The following NALCN variants were observed in gnomAD, a reference collection of about 807,000 sequenced individuals.
NALCN encodes sodium leak channel NALCN.
In NALCN, 111 loss-of-function variants were observed where a neutral mutation model predicts 225.3. The observed-to-expected ratio is 0.49, with a 90% CI of 0.42 to 0.58. The LOEUF is 0.58. Ranked by LOEUF, NALCN falls within the 20% of genes least tolerant of loss-of-function variation. The pLI is 0.00. For synonymous variants in NALCN, 764 were observed against 769.0 expected, an observed-to-expected ratio of 0.99 and a Z score of 0.11; for missense variants, 1,378 against 2,202.4, an observed-to-expected ratio of 0.63 and a Z score of 7.49.
chr13:101,192,170 G>A (rs569530813), intron 13 of NALCN, 116 bp from the exon 14 acceptor site: 3 of 1,163,360 alleles, frequency 2.6e-6, no homozygotes, highest in East Asian at 2.9e-5. Flanking sequence ...TATCTGATCA[G>A]GGCAAGAACA....
chr13:101,202,959 T>C (rs2040181933), intron 13 of NALCN, among the ~76,000 whole-genome samples: 1 of 152,204 alleles, frequency 6.6e-6, no homozygotes, highest in Non-Finnish European at 1.5e-5. Context: ...TTTCACAGCG[T>C]CTGAGTCTAA....
intron 14 of NALCN, chr13:101,180,802 A>G (rs1319630543): frequency 3.0e-6 from 1 of 333,208 alleles, no homozygotes; most frequent in East Asian, 7.5e-5. Flanking sequence ...CGATGCTCCC[A>G]AGTGAGGTGT....
At chr13:101,409,830 G>A (rs1185877120) in intron 1 of NALCN, among the ~76,000 whole-genome samples, 1 of 152,220 alleles carries the variant, frequency 6.6e-6, no homozygotes, top group Non-Finnish European at 1.5e-5. Flanking sequence ...CTTAACATAT[G>A]AATTATCAAG....
chr13:101,174,370 T>A (rs1031986311), intron 15 of NALCN, among the ~76,000 whole-genome samples: 1 of 152,118 alleles, frequency 6.6e-6, no homozygotes, highest in Non-Finnish European at 1.5e-5. Flanking sequence ...TTCACTAATA[T>A]CTAGCAAGTG....
intron 13 of NALCN, among the ~76,000 whole-genome samples, chr13:101,198,037 G>C (rs1394008191): frequency 6.6e-6 from 1 of 152,164 alleles, no homozygotes; most frequent in Non-Finnish European, 1.5e-5. Flanking sequence ...TTTCTAATTA[G>C]AGTGTATCAT....
chr13:101,246,017 CCTTGAGCTGCTG>C (rs1400959856), intron 11 of NALCN, among the ~76,000 whole-genome samples: 2 of 152,046 alleles, frequency 1.3e-5, no homozygotes, highest in African/African-American at 4.8e-5. Flanking sequence ...TATCTGGGGC[CCTTGAGCTGCTG>C]CTTGGGCTCA....
rs746170403 is a variant in NALCN, at chr13:101,108,166, T to C, written c.2365-377A>G. On this transcript the variant is annotated intron_variant, in intron 20 of 43. Coordinates refer to ENST00000251127, the MANE Select transcript of NALCN (RefSeq NM_052867.4). ...TTAAATATGTAATTTAAAGTAAATG[T>C]ATATACTTACATTAAATATATAAAT... Among the ~76,000 whole-genome samples, 46 of 150,400 alleles carry C rather than the reference T, an allele frequency of 3.1e-4. 1 individual carries two copies. Among genetic ancestry groups the C allele is most frequent in the Admixed American group, 2.2e-3 (33 of 15,034 alleles).
Position 101,310,290 on chromosome 13 carries a change from C to T in NALCN, c.800-17924G>A, listed in dbSNP as rs568106172. Among the ~76,000 whole-genome samples, 9 of 152,320 alleles carry T rather than the reference C, an allele frequency of 5.9e-5. No individual in the cohort carries two copies. The South Asian group carries it at 1.4e-3, about 25-fold the overall frequency. ...CATTACGTTGCCCTGGAAGGCTCTA[C>T]GTGATCCATTCCTTGTTACCTTTCC... is the stretch of plus-strand genomic sequence containing the variant. On this transcript the variant is annotated intron_variant, in intron 7 of 43. Transcript: ENST00000251127.
At chr13:101,129,386 A>G (rs976993347) in intron 17 of NALCN, among the ~76,000 whole-genome samples, 7 of 152,266 alleles carry the variant, frequency 4.6e-5, no homozygotes, top group Middle Eastern at 3.4e-3. Flanking sequence ...ACCATTTCTT[A>G]CTGTTAGTCA....
intron 1 of NALCN, among the ~76,000 whole-genome samples, chr13:101,408,976 C>T (rs935725612): frequency 6.6e-6 from 1 of 152,060 alleles, no homozygotes; most frequent in African/African-American, 2.4e-5. Context: ...TCTTAAATCC[C>T]AAAGTAAAAC....
chr13:101,294,442 T>C (rs376229787), intron 7 of NALCN, among the ~76,000 whole-genome samples: 5 of 151,980 alleles, frequency 3.3e-5, no homozygotes, highest in East Asian at 1.9e-4. Flanking sequence ...AGGTACCCCA[T>C]AAATATGTAC....
intron 1 of NALCN, among the ~76,000 whole-genome samples, chr13:101,413,055 C>T (rs1041531716): frequency 6.6e-6 from 1 of 152,084 alleles, no homozygotes; most frequent in African/African-American, 2.4e-5. Context: ...ATTATGTTAC[C>T]TTCTTTTATT....
chr13:101,319,764 TTAGA>T (rs372673749), intron 7 of NALCN, among the ~76,000 whole-genome samples: 8 of 152,338 alleles, frequency 5.3e-5, no homozygotes, highest in African/African-American at 1.9e-4. Flanking sequence ...AAGGCTGAAT[TTAGA>T]TGGCTCTGAA....
At chr13:101,313,029 A>T (rs1466673835) in intron 7 of NALCN, among the ~76,000 whole-genome samples, 1 of 152,200 alleles carries the variant, frequency 6.6e-6, no homozygotes, top group Non-Finnish European at 1.5e-5. Context: ...ATAATGCCAC[A>T]TATCTACAAC....
chr13:101,412,592 G>A (rs996749410), intron 1 of NALCN, among the ~76,000 whole-genome samples: 17 of 152,216 alleles, frequency 1.1e-4, no homozygotes, highest in Admixed American at 7.8e-4. Flanking sequence ...TTTCAACTTC[G>A]CTCCTTCATA....
intron 1 of NALCN, among the ~76,000 whole-genome samples, chr13:101,415,426 A>G (rs887893440): frequency 6.6e-6 from 1 of 152,088 alleles, no homozygotes; most frequent in African/African-American, 2.4e-5. Flanking sequence ...GTATTCACAC[A>G]TCCTTAATAA....
chr13:101,393,051 G>A (rs2047188842), intron 3 of NALCN, among the ~76,000 whole-genome samples: 1 of 152,220 alleles, frequency 6.6e-6, no homozygotes, highest in South Asian at 2.1e-4. Flanking sequence ...TAAGAATTGT[G>A]TATGGTACAA....
At chr13:101,111,043 GCCGT>G in intron 19 of NALCN, 78 bp downstream of exon 19, 1 of 1,403,210 alleles carries the variant, frequency 7.1e-7, no homozygotes, top group Non-Finnish European at 9.9e-7. Flanking sequence ...AGGGCTGACA[GCCGT>G]GACTGTGTAC....
chr13:101,157,873 T>G, intron 15 of NALCN, among the ~76,000 whole-genome samples: 1 of 151,538 alleles, frequency 6.6e-6, no homozygotes, highest in Non-Finnish European at 1.5e-5. Flanking sequence ...CTGCCTCAGC[T>G]TCCTGAGTAG....
Sources: allele counts gnomAD v4.1 joint callset (sites outside exome capture counted in the v4.1 genomes callset), GRCh38; gene constraint gnomAD v4.1.1; transcripts MANE v1.5; gene names NCBI Gene and HGNC (gene_info 2026-07-23, HGNC 2026-07-21).